The following FANCC variants were observed in gnomAD, a reference collection of about 807,000 sequenced individuals.
The protein encoded by FANCC is Fanconi anemia group C protein.
FANCC carries 55 observed loss-of-function variants against 71.3 expected under a neutral mutation model. The ratio of observed to expected loss-of-function variants is 0.77; its 90% CI spans 0.62 to 0.97. FANCC has a LOEUF of 0.97. FANCC is among the 50% of genes least tolerant of loss of function. FANCC has a pLI of 0.00. For synonymous variants in FANCC, 275 were observed against 244.9 expected (o/e 1.12, Z -1.15); for missense variants, 678 against 670.9 (o/e 1.01, Z -0.12).
intron 4 of FANCC, among the ~76,000 whole-genome samples, chr9:95,187,348 C>T (rs1050194803): frequency 8.5e-5 from 13 of 152,198 alleles, no homozygotes; most frequent in Admixed American, 7.2e-4. Flanking sequence ...TTCATGGTCA[C>T]GGCCAAGGCC....
chr9:95,185,337 T>G (rs1293317568), intron 4 of FANCC, among the ~76,000 whole-genome samples: 2 of 152,202 alleles, frequency 1.3e-5, no homozygotes, highest in Non-Finnish European at 2.9e-5. Flanking sequence ...TCAGGCATGT[T>G]TAAGTTAATT....
At chr9:95,101,903 G>A (rs2071094142) in intron 14 of FANCC, 53 bp from the exon 15 acceptor site, 7 of 1,608,692 alleles carry the variant, frequency 4.4e-6, no homozygotes, top group Non-Finnish European at 5.9e-6. Flanking sequence ...AGACAGATTT[G>A]TCCTTTGTCC....
intron 3 of FANCC, 58 bp downstream of exon 3, chr9:95,247,372 CTG>C: frequency 1.6e-6 from 2 of 1,234,752 alleles, no homozygotes; most frequent in African/African-American, 1.5e-5. Context: ...ATGTAAGCCT[CTG>C]TGAAACAATG....
intron 7 of FANCC, among the ~76,000 whole-genome samples, chr9:95,136,019 C>T (rs752222582): frequency 5.5e-4 from 83 of 152,166 alleles, no homozygotes; most frequent in Admixed American, 1.2e-3. Context: ...AACACACGTA[C>T]AGTGATTAGC....
At position 95,266,860 on chromosome 9, in the gene FANCC, T is replaced by C. The variant is rs769251623; in HGVS notation, c.-78-17491A>G. ...TTTCAGTACTATGTAAAACCAAGTA[T>C]CTTTCTTTCCTTTAAACTCTCTGCC... On this transcript the variant is annotated intron_variant, in intron 1 of 14. Transcript: ENST00000289081. Among the ~76,000 whole-genome samples, 7 of 152,282 alleles carry C rather than the reference T, an allele frequency of 4.6e-5. No individual in the cohort carries two copies. The South Asian group carries it at 6.2e-4, about 14-fold the overall frequency.
At chr9:95,200,147 C>T (rs540798166) in intron 4 of FANCC, among the ~76,000 whole-genome samples, 4 of 152,224 alleles carry the variant, frequency 2.6e-5, no homozygotes, top group South Asian at 2.1e-4. Flanking sequence ...GAATACCTGG[C>T]GTTTGAAAAT....
chr9:95,259,744 A>G (rs899546339), intron 1 of FANCC, among the ~76,000 whole-genome samples: 4 of 152,228 alleles, frequency 2.6e-5, no homozygotes, highest in African/African-American at 9.6e-5. Flanking sequence ...CTATCATTAG[A>G]GTGAACGGGC....
At chr9:95,148,120 C>T (rs138953496) in intron 7 of FANCC, among the ~76,000 whole-genome samples, 2 of 152,040 alleles carry the variant, frequency 1.3e-5, no homozygotes, top group Non-Finnish European at 2.9e-5. Context: ...CACACACAGT[C>T]GAAACACTGC....
intron 4 of FANCC, among the ~76,000 whole-genome samples, chr9:95,177,041 C>T (rs1480173445): frequency 6.6e-6 from 1 of 152,192 alleles, no homozygotes; most frequent in Non-Finnish European, 1.5e-5. Context: ...AAATAGTTCC[C>T]TAGATATTAC....
chr9:95,202,077 C>CA (rs1213772986), intron 4 of FANCC, among the ~76,000 whole-genome samples: 2 of 152,142 alleles, frequency 1.3e-5, no homozygotes, highest in African/African-American at 4.8e-5. Context: ...TGGCAGCACT[C>CA]AAAAAACAGC....
chr9:95,251,569 G>A (rs891361731), intron 1 of FANCC, among the ~76,000 whole-genome samples: 3 of 152,070 alleles, frequency 2.0e-5, no homozygotes, highest in Admixed American at 2.0e-4. Flanking sequence ...GCCCTCCTCT[G>A]CCTCCCAAAG....
chr9:95,315,966 C>T (rs1473454575), intron 1 of FANCC, among the ~76,000 whole-genome samples: 1 of 151,096 alleles, frequency 6.6e-6, no homozygotes. Context: ...ACACATCTTC[C>T]ACAACCAGCC....
At chr9:95,110,204 C>A in intron 13 of FANCC, 1 of 976,452 alleles carries the variant, frequency 1.0e-6, no homozygotes, top group Non-Finnish European at 1.2e-6. Flanking sequence ...AGAAGATGTG[C>A]CAATGTAGAA....
At chr9:95,185,451 G>GA (rs1826654176) in intron 4 of FANCC, among the ~76,000 whole-genome samples, 1 of 152,198 alleles carries the variant, frequency 6.6e-6, no homozygotes, top group Non-Finnish European at 1.5e-5. Flanking sequence ...CTTTAGGCAT[G>GA]AAGACAGTCT....
At chr9:95,103,734 G>A (rs954897021) in intron 14 of FANCC, among the ~76,000 whole-genome samples, 2 of 152,230 alleles carry the variant, frequency 1.3e-5, no homozygotes, top group African/African-American at 4.8e-5. Flanking sequence ...GACAGCCGGG[G>A]AGTGGGCCTC....
chr9:95,293,653 C>T (rs1466959265), intron 1 of FANCC: 22 of 1,614,052 alleles, frequency 1.4e-5, no homozygotes, highest in South Asian at 9.9e-5. Flanking sequence ...TCCTCTGTGT[C>T]GTCTTGTTCT....
intron 14 of FANCC, among the ~76,000 whole-genome samples, chr9:95,104,023 A>G (rs191314886): frequency 5.6e-4 from 85 of 152,110 alleles, no homozygotes; most frequent in Middle Eastern, 3.4e-3. Flanking sequence ...GGGTGGAGAG[A>G]CCCAAGCTGT....
At chr9:95,173,638 A>C (rs2135597974) in intron 4 of FANCC, among the ~76,000 whole-genome samples, 1 of 152,326 alleles carries the variant, frequency 6.6e-6, no homozygotes, top group South Asian at 2.1e-4. Flanking sequence ...CAAAGGGGCC[A>C]GGCACGGTGG....
chr9:95,165,812 T>C (rs1026835100), intron 6 of FANCC, among the ~76,000 whole-genome samples: 2 of 152,072 alleles, frequency 1.3e-5, no homozygotes, highest in Non-Finnish European at 1.5e-5. Flanking sequence ...CACAGCATTA[T>C]TCAAGTTCTA....
Sources: allele counts gnomAD v4.1 joint callset (sites outside exome capture counted in the v4.1 genomes callset), GRCh38; gene constraint gnomAD v4.1.1; transcripts MANE v1.5; gene names NCBI Gene and HGNC (gene_info 2026-07-23, HGNC 2026-07-21).